The following AP3B1 variants were observed in gnomAD, a reference collection of about 807,000 sequenced individuals.
The protein encoded by AP3B1 is adaptor related protein complex 3 subunit beta 1, also known as AP-3 complex subunit beta-1.
AP3B1 carries 61 observed loss-of-function variants against 132.5 expected under a neutral mutation model. The observed-to-expected ratio is 0.46, with a 90% confidence interval of 0.37 to 0.57. The LOEUF (loss-of-function observed/expected upper bound fraction) is 0.57. AP3B1 is among the 20% of genes least tolerant of loss of function. The probability of loss-of-function intolerance (pLI) is 0.00; values close to 1 mark genes in which losing one functional copy is unlikely to be tolerated. For missense variants in AP3B1, 1,120 were observed against 1,289.4 expected (o/e 0.87, Z 2.01); for synonymous variants, 388 against 438.3 (o/e 0.89, Z 1.43).
intron 15 of AP3B1, among the ~76,000 whole-genome samples, chr5:78,137,828 A>T (rs1752981313): frequency 6.6e-6 from 1 of 152,232 alleles, no homozygotes; most frequent in Non-Finnish European, 1.5e-5. Flanking sequence ...TTATTCTTCA[A>T]ACATACAAAT....
At chr5:78,000,833 T>G (rs755662401), downstream of AP3B1, 3 of 152,222 alleles carry the variant, frequency 2.0e-5, no homozygotes, top group Non-Finnish European at 4.4e-5. Context: ...CAAGGAACTC[T>G]GAATCACCAC....
intron 22 of AP3B1, among the ~76,000 whole-genome samples, chr5:78,066,312 G>C (rs1006324374): frequency 6.6e-6 from 1 of 152,206 alleles, no homozygotes; most frequent in Non-Finnish European, 1.5e-5. Context: ...GGCTGAGGCT[G>C]AGATGGATGA....
intron 2 of AP3B1, among the ~76,000 whole-genome samples, chr5:78,265,406 G>C (rs571809880): frequency 1.3e-4 from 19 of 151,914 alleles, no homozygotes; most frequent in African/African-American, 4.3e-4. Context: ...CTGCACAACT[G>C]TACTCCAGCC....
rs1746223959 is a variant in AP3B1, at chr5:78,002,391, T to TAATC, written c.*507_*510dup. 1 of 394,042 alleles carries TAATC rather than the reference T, an allele frequency of 2.5e-6. No individual in the cohort carries two copies. Among genetic ancestry groups the TAATC allele is most frequent in the Non-Finnish European group, 4.5e-6 (1 of 223,578 alleles). 24.4% of individuals were successfully genotyped at this position (394,042 alleles called of 1,614,324 possible). On this transcript the variant is annotated 3_prime_UTR_variant, in exon 27 of 27. Transcript: ENST00000255194. ...ATAATTTCATGATGACAGTTATCAA[T>TAATC]AATCAATTACAATATCAAGAAATTC...
chr5:78,098,127 G>A (rs60589575), intron 21 of AP3B1, among the ~76,000 whole-genome samples: 29,876 of 142,720 alleles, frequency 0.21, 2,844 homozygotes, highest in Admixed American at 0.27. Flanking sequence ...TCAAGTACCC[G>A]GGGACACAAA....
chr5:78,084,468 G>A (rs559349822), intron 22 of AP3B1, among the ~76,000 whole-genome samples: 2 of 129,920 alleles, frequency 1.5e-5, no homozygotes, highest in Non-Finnish European at 3.1e-5. Flanking sequence ...AGGTTGCAGT[G>A]AGCCAAGATC....
intron 13 of AP3B1, among the ~76,000 whole-genome samples, chr5:78,157,510 C>A (rs944497603): frequency 2.6e-5 from 4 of 152,178 alleles, no homozygotes; most frequent in African/African-American, 9.7e-5. Context: ...CTGGTCCAGT[C>A]TCTTTTTGGT....
intron 22 of AP3B1, among the ~76,000 whole-genome samples, chr5:78,063,795 G>A (rs1454860218): frequency 6.6e-6 from 1 of 152,064 alleles, no homozygotes; most frequent in African/African-American, 2.4e-5. Context: ...TAAAAGCTTG[G>A]ATCAATGAGG....
At chr5:78,170,957 GC>G (rs1743885683) in intron 11 of AP3B1, among the ~76,000 whole-genome samples, 1 of 152,140 alleles carries the variant, frequency 6.6e-6, no homozygotes, top group Admixed American at 6.5e-5. Context: ...TATATGGCTA[GC>G]CAGTTTTCCC....
chr5:78,287,902 A>C (rs12189441), intron 1 of AP3B1, among the ~76,000 whole-genome samples: 1 of 152,056 alleles, frequency 6.6e-6, no homozygotes, highest in African/African-American at 2.4e-5. Context: ...TTATTAGAAC[A>C]CAAGAGATTT....
At chr5:78,241,477 G>T (rs1747136680) in intron 2 of AP3B1, among the ~76,000 whole-genome samples, 1 of 152,164 alleles carries the variant, frequency 6.6e-6, no homozygotes, top group Admixed American at 6.5e-5. Flanking sequence ...TGACATTAAA[G>T]ATGTACTGCA....
intron 21 of AP3B1, among the ~76,000 whole-genome samples, chr5:78,096,844 C>G (rs1361559610): frequency 1.2e-4 from 17 of 142,188 alleles, no homozygotes; most frequent in African/African-American, 2.9e-4. Context: ...GGAGGGGGGG[C>G]TCAGCCCCCG....
intron 7 of AP3B1, among the ~76,000 whole-genome samples, chr5:78,185,968 TA>T (rs1219494577): frequency 6.6e-6 from 1 of 152,090 alleles, no homozygotes; most frequent in African/African-American, 2.4e-5. Context: ...AATGTTGAAA[TA>T]ACCCACAGTT....
chr5:78,094,800 C>T (rs1414648641), intron 21 of AP3B1, among the ~76,000 whole-genome samples: 1 of 152,138 alleles, frequency 6.6e-6, no homozygotes, highest in Non-Finnish European at 1.5e-5. Context: ...CCTGCTGCAG[C>T]CTCCCGAGTA....
At chr5:78,286,176 C>T (rs563834259) in intron 1 of AP3B1, among the ~76,000 whole-genome samples, 1 of 152,264 alleles carries the variant, frequency 6.6e-6, no homozygotes, top group East Asian at 1.9e-4. Flanking sequence ...ACATTCTCAA[C>T]CTAGGCTTTA....
At chr5:78,241,945 C>T (rs1747156918) in intron 2 of AP3B1, among the ~76,000 whole-genome samples, 1 of 152,184 alleles carries the variant, frequency 6.6e-6, no homozygotes, top group Admixed American at 6.5e-5. Flanking sequence ...CTAAGTCCTG[C>T]TAATACTTCT....
At chr5:78,081,300 ATTTTT>A (rs560113962) in intron 22 of AP3B1, among the ~76,000 whole-genome samples, 6 of 100,862 alleles carry the variant, frequency 5.9e-5, no homozygotes, top group African/African-American at 2.2e-4. Context: ...GCATTACTTC[ATTTTT>A]TTTTTTTTTT....
At chr5:78,267,249 T>C (rs1442615640) in intron 2 of AP3B1, among the ~76,000 whole-genome samples, 2 of 152,056 alleles carry the variant, frequency 1.3e-5, no homozygotes, top group African/African-American at 4.8e-5. Flanking sequence ...AATGACTAAC[T>C]ACCTCATTCT....
At chr5:78,089,178 T>A (rs1750405387) in intron 22 of AP3B1, 1 of 487,692 alleles carries the variant, frequency 2.1e-6, no homozygotes, top group Non-Finnish European at 3.7e-6. Flanking sequence ...AACATACAGA[T>A]GATAATTAAG....
Sources: gnomAD v4.1 joint callset for allele counts (sites outside exome capture counted in the v4.1 genomes callset) on GRCh38, gnomAD v4.1.1 for gene constraint, MANE v1.5 for transcripts, NCBI Gene and HGNC (gene_info 2026-07-23, HGNC 2026-07-21) for gene names.